Variants in STXBP5L observed in about 807,000 individuals in gnomAD.
STXBP5L encodes syntaxin-binding protein 5-like.
In STXBP5L, 65 loss-of-function variants were observed where a neutral mutation model predicts 144.5. The observed-to-expected ratio is 0.45, with a 90% CI of 0.37 to 0.55. STXBP5L has a LOEUF of 0.55. STXBP5L is among the 20% of genes least tolerant of loss of function. The pLI, the probability that STXBP5L is intolerant of heterozygous loss-of-function variation, is 0.00. For missense variants in STXBP5L, 1,298 were observed against 1,405.5 expected (o/e 0.92, Z 1.22); for synonymous variants, 505 against 469.6 (o/e 1.08, Z -0.97).
intron 14 of STXBP5L, among the ~76,000 whole-genome samples, chr3:121,243,150 A>G (rs560479680): frequency 6.6e-6 from 1 of 152,316 alleles, no homozygotes; most frequent in South Asian, 2.1e-4. Flanking sequence ...GATATATGTT[A>G]TAGCGGCTGC....
In STXBP5L at chr3:120,954,942, A is replaced by G; in HGVS notation, c.192A>G (p.Thr64=). The change falls in exon 3 of 27, where the codon ACA becomes ACG. Residue 64 remains threonine, a splice_region_variant and synonymous_variant. Coordinates refer to ENST00000471454, the MANE Select transcript of STXBP5L (RefSeq NM_001308330.2). ...TGGTATTATTTGCTCTCTTTCAGAC[A>G]GTTCGGCATGGTTTTCCTCATCAGC... ...LTSEYFQICK[T]VRHGFPHQPT... The G allele has an allele frequency of 6.2e-7, 1 of 1,611,412 alleles. No individual in the cohort carries two copies. Among genetic ancestry groups the G allele is most frequent in the Middle Eastern group, 1.7e-4 (1 of 6,040 alleles).
chr3:121,177,519 A>G (rs750102806), intron 9 of STXBP5L, among the ~76,000 whole-genome samples: 16 of 152,202 alleles, frequency 1.1e-4, no homozygotes, highest in East Asian at 5.8e-4. Flanking sequence ...GATGCTCAAC[A>G]TCACCAATCA....
intron 5 of STXBP5L, among the ~76,000 whole-genome samples, chr3:121,069,759 TA>T (rs1413397629): frequency 2.0e-5 from 3 of 152,222 alleles, no homozygotes; most frequent in Non-Finnish European, 2.9e-5. Flanking sequence ...CATTTTGAGC[TA>T]TTTTTTTGTT....
intron 9 of STXBP5L, among the ~76,000 whole-genome samples, chr3:121,204,096 G>A (rs561986780): frequency 1.8e-4 from 27 of 152,138 alleles, no homozygotes; most frequent in South Asian, 4.2e-4. Flanking sequence ...AAAATTAGCC[G>A]GGCATGGTGG....
chr3:121,394,644 G>T (rs560604694), intron 22 of STXBP5L, among the ~76,000 whole-genome samples: 8 of 125,218 alleles, frequency 6.4e-5, no homozygotes, highest in Non-Finnish European at 1.3e-4. Flanking sequence ...TCACTCTGTC[G>T]CCCAGGCTGG....
At chr3:121,287,753 C>T (rs1345473757) in intron 19 of STXBP5L, among the ~76,000 whole-genome samples, 3 of 151,738 alleles carry the variant, frequency 2.0e-5, no homozygotes, top group African/African-American at 7.3e-5. Context: ...TGCTTGAACC[C>T]AGGAGGCAGA....
intron 14 of STXBP5L, among the ~76,000 whole-genome samples, chr3:121,242,863 C>T (rs1014503854): frequency 6.6e-6 from 1 of 152,108 alleles, no homozygotes; most frequent in African/African-American, 2.4e-5. Context: ...TTGTTCTCCA[C>T]AGGCACACTT....
chr3:120,989,493 G>C (rs182293502), intron 3 of STXBP5L, among the ~76,000 whole-genome samples: 1 of 151,612 alleles, frequency 6.6e-6, no homozygotes, highest in Non-Finnish European at 1.5e-5. Flanking sequence ...TTTTTTTGCT[G>C]TTGTTGAGTT....
chr3:121,038,022 G>A (rs1244315418), intron 3 of STXBP5L, among the ~76,000 whole-genome samples: 1 of 151,858 alleles, frequency 6.6e-6, no homozygotes, highest in Non-Finnish European at 1.5e-5. Flanking sequence ...AAAAGGAAAT[G>A]TGTGTACTTT....
intron 3 of STXBP5L, among the ~76,000 whole-genome samples, chr3:121,012,265 T>G (rs1296341594): frequency 6.6e-6 from 1 of 151,838 alleles, no homozygotes; most frequent in African/African-American, 2.4e-5. Flanking sequence ...AAATCATGCT[T>G]CTATGAACAT....
rs2047291560 is a variant in STXBP5L, at chr3:121,418,480, C to G, written c.3370C>G (p.Gln1124Glu). 1 of 1,614,068 alleles carries G rather than the reference C, an allele frequency of 6.2e-7. No homozygotes were observed. The highest frequency in any genetic ancestry group is 1.3e-5 in the African/African-American group (1 of 75,046). ...ACGGATTGCACTTGATGAAAGAGGACAGAGGCTAGGAGAGCTGGAAGAGAA... is the reference window on the plus strand; with the variant it reads ...ACGGATTGCACTTGATGAAAGAGGAGAGAGGCTAGGAGAGCTGGAAGAGAA... ...RARIALDERG[Q>E]RLGELEEKTA... Residue 1124 changes from glutamine (Q) to glutamate (E), a missense_variant, in exon 26 of 27, where the codon CAG becomes GAG. By Grantham distance (29) the Gln-to-Glu change is conservative. Transcript: ENST00000471454.
At chr3:121,299,790 C>A (rs2051812477) in intron 19 of STXBP5L, among the ~76,000 whole-genome samples, 1 of 151,736 alleles carries the variant, frequency 6.6e-6, no homozygotes, top group Non-Finnish European at 1.5e-5. Context: ...AGTTCAAGAC[C>A]AGCCGGACCA....
chr3:120,990,486 G>T lies in STXBP5L; in HGVS notation c.287+35449G>T, dbSNP rs573043027. ...AAAGTTCATATGGAACCAAAAAAGA[G>T]CCCACATCGCCAAGTCAATCCTAAG... is the stretch of plus-strand genomic sequence containing the variant. On this transcript the variant is annotated intron_variant, in intron 3 of 26. Coordinates refer to ENST00000471454, the MANE Select transcript of STXBP5L (RefSeq NM_001308330.2). 7.9e-5 allele frequency among the ~76,000 whole-genome samples: 12 copies of T among 152,202 alleles called. No homozygotes were observed. In the South Asian group the frequency reaches 2.5e-3, roughly 32 times the overall value.
At chr3:121,241,051 C>A (rs2049649133) in intron 14 of STXBP5L, among the ~76,000 whole-genome samples, 1 of 152,004 alleles carries the variant, frequency 6.6e-6, no homozygotes, top group Non-Finnish European at 1.5e-5. Context: ...CTATTCTTCC[C>A]ACTAAACAAC....
intron 22 of STXBP5L, among the ~76,000 whole-genome samples, chr3:121,400,563 G>A (rs2046847906): frequency 6.6e-6 from 1 of 152,188 alleles, no homozygotes. Flanking sequence ...TTGCTGTAAA[G>A]AGGAGAAACT....
chr3:121,153,599 A>G (rs1427896091), intron 8 of STXBP5L, among the ~76,000 whole-genome samples: 1 of 152,022 alleles, frequency 6.6e-6, no homozygotes, highest in Non-Finnish European at 1.5e-5. Context: ...AATACTTTAC[A>G]TGTTCTCTCC....
intron 7 of STXBP5L, among the ~76,000 whole-genome samples, chr3:121,150,417 TG>T (rs1464272679): frequency 6.6e-6 from 1 of 152,132 alleles, no homozygotes; most frequent in Admixed American, 6.6e-5. Context: ...CCTTGTCTAA[TG>T]TCTCCTGGAT....
chr3:121,407,482 A>T lies in STXBP5L; in HGVS notation c.2827A>T (p.Thr943Ser). The T allele has an allele frequency of 6.2e-7, 1 of 1,613,362 alleles. No individual in the cohort carries two copies. Among genetic ancestry groups the T allele is most frequent in the Non-Finnish European group, 8.5e-7 (1 of 1,179,522 alleles). ...CAAAGTCTTCTCACTGCCTTCTCAG[A>T]CTTGCCTTTATGTTCATAACATCAC... ...QAKVFSLPSQ[T>S]CLYVHNITET... The change falls in exon 23 of 27, where the codon ACT becomes TCT. Residue 943 changes from threonine (T) to serine (S), a missense_variant. Transcript: ENST00000471454.
intron 3 of STXBP5L, among the ~76,000 whole-genome samples, chr3:121,006,054 G>A (rs1944270132): frequency 1.3e-5 from 2 of 152,164 alleles, no homozygotes; most frequent in African/African-American, 2.4e-5. Context: ...GAGTTCTGTT[G>A]ATGTCTGTTA....
Sources: gnomAD v4.1 joint callset for allele counts (sites outside exome capture counted in the v4.1 genomes callset) on GRCh38, gnomAD v4.1.1 for gene constraint, MANE v1.5 for transcripts, NCBI Gene and HGNC (gene_info 2026-07-23, HGNC 2026-07-21) for gene names.